TEX10: variants seen among roughly 807,000 people sequenced by gnomAD.
The protein encoded by TEX10 is testis expressed 10.
In TEX10, 24 loss-of-function variants were observed where a neutral mutation model predicts 104.4. That is an observed-to-expected ratio of 0.23 (90% CI 0.17 to 0.32). The LOEUF (loss-of-function observed/expected upper bound fraction) is 0.32, where lower values mean the gene tolerates loss of function less well. Among genes scored for constraint, TEX10 ranks in the 10% least tolerant of loss-of-function variants. The pLI, the probability that TEX10 is intolerant of heterozygous loss-of-function variation, is 1.00. For missense variants in TEX10, 921 were observed against 1,083.9 expected (o/e 0.85, Z 2.11); for synonymous variants, 396 against 393.4 (o/e 1.01, Z -0.08).
intron 3 of TEX10, 127 bp from the exon 4 acceptor site, chr9:100,346,442 A>C: frequency 8.6e-7 from 1 of 1,159,384 alleles, no homozygotes; most frequent in Non-Finnish European, 1.2e-6. Flanking sequence ...CATCAATCAA[A>C]ACTAGTAAGA....
intron 5 of TEX10, among the ~76,000 whole-genome samples, chr9:100,332,068 A>T (rs1410143642): frequency 6.6e-6 from 1 of 152,222 alleles, no homozygotes; most frequent in Non-Finnish European, 1.5e-5. Context: ...AAGTATCATA[A>T]TCAAATCCAG....
chr9:100,346,566 C>A, intron 3 of TEX10, 128 bp downstream of exon 3: 2 of 1,103,430 alleles, frequency 1.8e-6, no homozygotes, highest in East Asian at 2.4e-5. Context: ...TAAATAAAAT[C>A]AAATCATGAG....
At chr9:100,348,483 G>T (rs759378319) in intron 2 of TEX10, among the ~76,000 whole-genome samples, 3 of 152,164 alleles carry the variant, frequency 2.0e-5, no homozygotes, top group Non-Finnish European at 4.4e-5. Flanking sequence ...TTGACTTCAA[G>T]TATTTACTAC....
intron 5 of TEX10, among the ~76,000 whole-genome samples, chr9:100,332,021 T>A (rs996414115): frequency 6.6e-6 from 1 of 152,186 alleles, no homozygotes; most frequent in African/African-American, 2.4e-5. Flanking sequence ...GGCAGAGAGA[T>A]CTAGAAATTA....
At chr9:100,328,033 AT>A (rs947070661) in intron 7 of TEX10, 71 bp from the exon 8 acceptor site, 927 of 1,248,488 alleles carry the variant, frequency 7.4e-4, no homozygotes, top group African/African-American at 3.3e-3. Context: ...CAAAAAAAAA[AT>A]TTTTTTTTAA....
Position 100,329,938 on chromosome 9 carries a change from T to C in TEX10, c.1482A>G (p.Pro494=). Residue 494 remains proline, a synonymous_variant, in exon 6 of 15, where the codon CCA becomes CCG. Coordinates refer to ENST00000374902, the MANE Select transcript of TEX10 (RefSeq NM_017746.4). ...CAAAGTAGCATCACCTACCTCTGTT[T>C]GGCTGTATTTGCATTAACCTCCAGG... The part of the protein sequence containing the change: ...GVSWRLMQIQ[P]NREDTETLIK... The C allele has an allele frequency of 1.2e-6, 2 of 1,609,572 alleles. No individual in the cohort carries two copies. Among genetic ancestry groups the C allele is most frequent in the Non-Finnish European group, 8.5e-7 (1 of 1,177,042 alleles).
chr9:100,349,147 A>G (rs1307378144), intron 2 of TEX10, 37 bp downstream of exon 2: 1 of 1,489,156 alleles, frequency 6.7e-7, no homozygotes, highest in African/African-American at 1.4e-5. Context: ...GATTCCAAAG[A>G]AAATCTTATT....
At chr9:100,349,162 C>A in intron 2 of TEX10, 22 bp downstream of exon 2, 1 of 1,505,292 alleles carries the variant, frequency 6.6e-7, no homozygotes, top group South Asian at 1.4e-5. Flanking sequence ...CTTATTTTGT[C>A]AAAACATGAT....
In TEX10 at chr9:100,346,560, T is replaced by TA. The variant is rs1276397621; in HGVS notation, c.893+133dup. 8 of 1,071,970 alleles carry TA rather than the reference T, an allele frequency of 7.5e-6. No individual in the cohort carries two copies. The African/African-American group carries it at 7.9e-5, about 11-fold the overall frequency. The allele number at this position is 1,071,970 out of a possible 1,614,324, so 66.4% of individuals were successfully genotyped here. A position where few individuals can be genotyped will look rare whatever the true frequency, so the allele number is the denominator to read the frequency against. ...ACAAATAACTCTTCCCATCAGTAAA[T>TA]AAAATCAAATCATGAGTAACTATAT... On this transcript the variant is annotated intron_variant, in intron 3 of 14. Coordinates refer to ENST00000374902, the MANE Select transcript of TEX10 (RefSeq NM_017746.4).
intron 1 of TEX10, among the ~76,000 whole-genome samples, chr9:100,351,582 T>C (rs1301593278): frequency 6.6e-6 from 1 of 152,136 alleles, no homozygotes; most frequent in Non-Finnish European, 1.5e-5. Flanking sequence ...TTCAGAAAAA[T>C]TAACTCCCTT....
At chr9:100,310,894 C>G (rs1220337332) in intron 11 of TEX10, among the ~76,000 whole-genome samples, 1 of 152,130 alleles carries the variant, frequency 6.6e-6, no homozygotes, top group Non-Finnish European at 1.5e-5. Flanking sequence ...GAATATTGAG[C>G]TAGCCCCTAT....
chr9:100,327,203 G>A (rs1009744290), intron 8 of TEX10, among the ~76,000 whole-genome samples: 6 of 152,164 alleles, frequency 3.9e-5, no homozygotes, highest in Admixed American at 3.3e-4. Flanking sequence ...CTTCCAATCA[G>A]TACAAGTTTC....
chr9:100,346,828 T>C lies in TEX10; in HGVS notation c.759A>G (p.Glu253=), dbSNP rs749558154. 12 of 1,614,210 alleles carry C rather than the reference T, an allele frequency of 7.4e-6. No homozygotes were observed. The South Asian group carries it at 1.3e-4, about 18-fold the overall frequency. Residue 253 remains glutamate (E), a synonymous_variant, in exon 3 of 15, where the codon GAA becomes GAG. Coordinates refer to ENST00000374902, the MANE Select transcript of TEX10 (RefSeq NM_017746.4). ...TAGTGGCATGGGGATTTTCTTTCTGTTCCTGAAGTCCTTCACTTTCTCTCA... is the reference window on the plus strand; with the variant it reads ...TAGTGGCATGGGGATTTTCTTTCTGCTCCTGAAGTCCTTCACTTTCTCTCA... ...SRLRESEGLQ[E]QKENPHATSN...
Position 100,345,261 on chromosome 9 carries a change from A to T in TEX10, c.1137+811T>A, listed in dbSNP as rs149512797. 1.0e-2 allele frequency among the ~76,000 whole-genome samples: 1,521 copies of T among 152,288 alleles called. 32 individuals carry two copies. Among genetic ancestry groups the T allele is most frequent in the African/African-American group, 0.034 (1,431 of 41,542 alleles). ...AATAGAACACGCTCTTAAAATATAC[A>T]CCTTACTACAACTCTATAATGCTTT... On this transcript the variant is annotated intron_variant, in intron 4 of 14. Transcript: ENST00000374902.
At chr9:100,320,227 T>C in intron 11 of TEX10, 38 bp downstream of exon 11, 1 of 1,550,298 alleles carries the variant, frequency 6.5e-7, no homozygotes, top group African/African-American at 1.4e-5. Context: ...TGAACTGAAT[T>C]TTAATAATTA....
intron 2 of TEX10, 89 bp downstream of exon 2, chr9:100,349,095 A>AGAG (rs1835374668): frequency 8.6e-7 from 1 of 1,157,036 alleles, no homozygotes; most frequent in African/African-American, 1.6e-5. Flanking sequence ...TATTTACTCT[A>AGAG]AGAGTTTAGA....
Position 100,349,010 on chromosome 9 carries a change from G to C in TEX10, c.180+174C>G, listed in dbSNP as rs528482112. The stretch of plus-strand genomic sequence containing the variant: ...CGAACGTTTCTGGAGGAAGTGGAAA[G>C]ACACAGCTGCATGAGAGATCTTTGG... On this transcript the variant is annotated intron_variant, in intron 2 of 14. Transcript: ENST00000374902. 2.6e-5 allele frequency among the ~76,000 whole-genome samples: 4 copies of C among 152,314 alleles called. No individual in the cohort carries two copies. In the South Asian group the frequency reaches 6.2e-4, roughly 24 times the overall value.
intron 11 of TEX10, among the ~76,000 whole-genome samples, chr9:100,311,054 A>T (rs2118837352): frequency 6.6e-6 from 1 of 152,296 alleles, no homozygotes; most frequent in Middle Eastern, 3.4e-3. Context: ...GACTTTAAGC[A>T]AAACAATGTA....
chr9:100,320,824 C>T (rs928657392), intron 10 of TEX10, among the ~76,000 whole-genome samples: 1 of 152,176 alleles, frequency 6.6e-6, no homozygotes, highest in Non-Finnish European at 1.5e-5. Context: ...CTACTCCATC[C>T]CCCTAGGTGT....
Sources: allele counts gnomAD v4.1 joint callset (sites outside exome capture counted in the v4.1 genomes callset), GRCh38; gene constraint gnomAD v4.1.1; transcripts MANE v1.5; gene names NCBI Gene and HGNC (gene_info 2026-07-23, HGNC 2026-07-21).